Variants in KCNH5 observed in about 807,000 individuals in gnomAD.
The protein encoded by KCNH5 is potassium voltage-gated channel subfamily H member 5, also known as voltage-gated delayed rectifier potassium channel KCNH5.
A neutral mutation model predicts 96.1 loss-of-function variants in KCNH5; 46 were observed. The observed-to-expected ratio is 0.48, with a 90% CI of 0.38 to 0.61. The LOEUF (loss-of-function observed/expected upper bound fraction) is 0.61, where lower values mean the gene tolerates loss of function less well. Among genes scored for constraint, KCNH5 ranks in the 20% least tolerant of loss-of-function variants. The probability of loss-of-function intolerance (pLI) is 0.00; values close to 1 mark genes in which losing one functional copy is unlikely to be tolerated. For missense variants in KCNH5, 907 were observed against 1,225.8 expected (o/e 0.74, Z 3.88); for synonymous variants, 439 against 449.8 (o/e 0.98, Z 0.30).
At chr14:62,876,503 T>C (rs930574072) in intron 7 of KCNH5, among the ~76,000 whole-genome samples, 9 of 152,206 alleles carry the variant, frequency 5.9e-5, no homozygotes, top group Admixed American at 2.0e-4. Flanking sequence ...TATAGTCATA[T>C]AGAAAGACAC....
chr14:63,015,611 T>C (rs1362639719), intron 2 of KCNH5, among the ~76,000 whole-genome samples: 3 of 151,970 alleles, frequency 2.0e-5, no homozygotes, highest in Non-Finnish European at 2.9e-5. Context: ...TTCACAGATA[T>C]ATAAACAGTT....
chr14:62,843,426 T>C (rs1172437989), intron 8 of KCNH5, among the ~76,000 whole-genome samples: 1 of 149,526 alleles, frequency 6.7e-6, no homozygotes. Flanking sequence ...TTTTTTTTTT[T>C]TTTTTGACAG....
chr14:63,041,577 T>C (rs1297749866), intron 1 of KCNH5, among the ~76,000 whole-genome samples: 1 of 152,168 alleles, frequency 6.6e-6, no homozygotes, highest in Non-Finnish European at 1.5e-5. Flanking sequence ...AATAATGTTC[T>C]CTATATTTAC....
chr14:62,963,954 C>T (rs72728794), intron 6 of KCNH5, among the ~76,000 whole-genome samples: 20,128 of 152,022 alleles, frequency 0.13, 1,400 homozygotes, highest in African/African-American at 0.17. Flanking sequence ...CTAAAATATC[C>T]CTTTTTTCAA....
rs1223256928 is a variant in KCNH5 at position 62,704,372 on chromosome 14, C to T, written c.*3136G>A. ...CACTGTGCCTGAACCATTTTCAGTA[C>T]CATTCATATAGCTTTGGTATTGTCA... On this transcript the variant is annotated 3_prime_UTR_variant, in exon 11 of 11. Coordinates refer to ENST00000322893, the MANE Select transcript of KCNH5 (RefSeq NM_139318.5). 1 of 151,840 alleles carries T rather than the reference C, an allele frequency of 6.6e-6. No homozygotes were observed. The highest frequency in any genetic ancestry group is 2.4e-5 in the African/African-American group (1 of 41,414). The allele number at this position is 151,840 out of a possible 1,614,324, so 9.4% of individuals were successfully genotyped here. A position where few individuals can be genotyped will look rare whatever the true frequency, so the allele number is the denominator to read the frequency against.
chr14:62,751,752 G>T (rs1885504570), intron 10 of KCNH5, among the ~76,000 whole-genome samples: 1 of 152,206 alleles, frequency 6.6e-6, no homozygotes, highest in African/African-American at 2.4e-5. Context: ...AGTCCTTCTT[G>T]TTCTTTCTGC....
intron 10 of KCNH5, among the ~76,000 whole-genome samples, chr14:62,735,813 C>T (rs1264715214): frequency 2.6e-5 from 4 of 152,040 alleles, no homozygotes; most frequent in Admixed American, 2.6e-4. Flanking sequence ...TAGGATGGAC[C>T]CTAATCCAAT....
At chr14:62,948,530 C>A (rs1439834297) in intron 7 of KCNH5, among the ~76,000 whole-genome samples, 1 of 151,832 alleles carries the variant, frequency 6.6e-6, no homozygotes, top group Non-Finnish European at 1.5e-5. Flanking sequence ...GCTTACCAAC[C>A]AAAAAGAGTC....
chr14:62,823,383 T>G (rs1887153773), intron 8 of KCNH5, among the ~76,000 whole-genome samples: 1 of 152,134 alleles, frequency 6.6e-6, no homozygotes, highest in South Asian at 2.1e-4. Flanking sequence ...TGCCCTGATA[T>G]GAGGTACAGA....
intron 7 of KCNH5, among the ~76,000 whole-genome samples, chr14:62,881,359 A>G (rs2140076236): frequency 6.6e-6 from 1 of 151,980 alleles, no homozygotes; most frequent in East Asian, 1.9e-4. Flanking sequence ...AGAAACTTTT[A>G]TCCTATTCAA....
At chr14:62,997,899 CAAAAAAAAAAAAA>C (rs568941043) in intron 4 of KCNH5, among the ~76,000 whole-genome samples, 10 of 60,826 alleles carry the variant, frequency 1.6e-4, no homozygotes, top group Admixed American at 4.0e-4. Flanking sequence ...GACTCCATCT[CAAAAAAAAAAAAA>C]AAAAAAAATT....
intron 7 of KCNH5, among the ~76,000 whole-genome samples, chr14:62,935,840 C>T (rs531111240): frequency 1.2e-4 from 18 of 152,260 alleles, no homozygotes; most frequent in African/African-American, 4.1e-4. Flanking sequence ...TAATGGTGGA[C>T]CATTGAGCAA....
intron 6 of KCNH5, among the ~76,000 whole-genome samples, chr14:62,980,003 T>C (rs1320283173): frequency 6.6e-6 from 1 of 152,168 alleles, no homozygotes; most frequent in Non-Finnish European, 1.5e-5. Flanking sequence ...GGGGGCAGTT[T>C]TCCCCATGCT....
chr14:62,781,761 G>T (rs1332499047), intron 9 of KCNH5, among the ~76,000 whole-genome samples: 3 of 152,096 alleles, frequency 2.0e-5, no homozygotes, highest in Non-Finnish European at 4.4e-5. Context: ...TTTTCAAGGT[G>T]CCCACATTTC....
At chr14:62,977,140 A>G (rs1890514868) in intron 6 of KCNH5, among the ~76,000 whole-genome samples, 1 of 152,076 alleles carries the variant, frequency 6.6e-6, no homozygotes, top group Non-Finnish European at 1.5e-5. Flanking sequence ...GGAGGCTGAG[A>G]TGGGCGGATC....
intron 2 of KCNH5, among the ~76,000 whole-genome samples, chr14:63,010,144 G>A (rs2139601023): frequency 6.6e-6 from 1 of 152,194 alleles, no homozygotes; most frequent in South Asian, 2.1e-4. Flanking sequence ...ATAATATTGG[G>A]CAGTCATGGT....
chr14:62,795,207 G>A (rs1886515526), intron 9 of KCNH5, among the ~76,000 whole-genome samples: 1 of 152,134 alleles, frequency 6.6e-6, no homozygotes, highest in South Asian at 2.1e-4. Context: ...AGAGGGCATA[G>A]AGGAAATTGG....
chr14:62,993,189 C>T (rs1890844570), intron 4 of KCNH5, among the ~76,000 whole-genome samples: 1 of 152,040 alleles, frequency 6.6e-6, no homozygotes, highest in Non-Finnish European at 1.5e-5. Flanking sequence ...ATTTCTTATA[C>T]CAGTACTGTG....
intron 5 of KCNH5, 70 bp from the exon 6 acceptor site, chr14:62,981,334 A>G (rs1890603740): frequency 2.1e-6 from 3 of 1,456,720 alleles, no homozygotes; most frequent in Non-Finnish European, 2.8e-6. Context: ...ATTCAAATCT[A>G]CTGGCAGTCA....
Sources: gnomAD v4.1 joint callset for allele counts (sites outside exome capture counted in the v4.1 genomes callset) on GRCh38, gnomAD v4.1.1 for gene constraint, MANE v1.5 for transcripts, NCBI Gene and HGNC (gene_info 2026-07-23, HGNC 2026-07-21) for gene names.